PRKCH: variants seen among roughly 807,000 people sequenced by gnomAD.
PRKCH encodes the protein protein kinase C eta type.
A neutral mutation model predicts 82.5 loss-of-function variants in PRKCH; 28 were observed. That is an observed-to-expected ratio of 0.34 (90% CI 0.25 to 0.47). The LOEUF is 0.47. Among genes scored for constraint, PRKCH ranks in the 20% least tolerant of loss-of-function variants. PRKCH has a pLI of 1.00. For missense variants in PRKCH, 705 were observed against 881.8 expected, an observed-to-expected ratio of 0.80 and a Z score of 2.54; for synonymous variants, 322 against 327.4, an observed-to-expected ratio of 0.98 and a Z score of 0.18.
At chr14:61,517,137 C>A (rs542469505) in intron 10 of PRKCH, among the ~76,000 whole-genome samples, 5 of 152,276 alleles carry the variant, frequency 3.3e-5, no homozygotes, top group African/African-American at 1.2e-4. Flanking sequence ...ATGCTGGCAA[C>A]AGTTTGCATA....
At chr14:61,338,896 T>C (rs11849162) in intron 1 of PRKCH, among the ~76,000 whole-genome samples, 3,753 of 152,164 alleles carry the variant, frequency 0.025, 150 homozygotes, top group African/African-American at 0.085. Flanking sequence ...ATAGGAAAAA[T>C]CATGATTCTG....
chr14:61,413,312 G>A (rs1309265353), intron 2 of PRKCH, among the ~76,000 whole-genome samples: 1 of 150,720 alleles, frequency 6.6e-6, no homozygotes, highest in Non-Finnish European at 1.5e-5. Flanking sequence ...GCAAACCCTT[G>A]GCCTCTATTC....
chr14:61,317,303 G>A (rs904624563), upstream of PRKCH, among the ~76,000 whole-genome samples: 2 of 152,006 alleles, frequency 1.3e-5, no homozygotes, highest in African/African-American at 2.4e-5. Context: ...TCTTGAAAGG[G>A]TGCCTACATT....
intron 2 of PRKCH, among the ~76,000 whole-genome samples, chr14:61,436,020 AGAT>A (rs1230267834): frequency 1.3e-5 from 2 of 152,180 alleles, no homozygotes; most frequent in Non-Finnish European, 2.9e-5. Flanking sequence ...GAAAAAGGAA[AGAT>A]GATGATGAGT....
intron 1 of PRKCH, among the ~76,000 whole-genome samples, chr14:61,249,227 G>C (rs993471726): frequency 3.3e-5 from 5 of 152,196 alleles, no homozygotes; most frequent in Admixed American, 3.3e-4. Context: ...TCCCCACTTA[G>C]GTCTCCAGTT....
At chr14:61,292,978 T>G (rs1403764725) in intron 1 of PRKCH, among the ~76,000 whole-genome samples, 1 of 151,266 alleles carries the variant, frequency 6.6e-6, no homozygotes, top group East Asian at 1.9e-4. Context: ...CAAAACCAGG[T>G]GATTATTCAG....
intron 1 of PRKCH, chr14:61,303,286 C>T (rs1413781845): frequency 6.6e-6 from 1 of 152,210 alleles, no homozygotes; most frequent in Non-Finnish European, 1.5e-5. Context: ...CCTTGGCCTC[C>T]CAAAGTTCTG....
chr14:61,454,955 A>C (rs1884691222), intron 7 of PRKCH, among the ~76,000 whole-genome samples: 1 of 152,252 alleles, frequency 6.6e-6, no homozygotes, highest in East Asian at 1.9e-4. Context: ...GATAATCCTG[A>C]AAATGTCAGC....
At chr14:61,348,068 T>G (rs192698651) in intron 1 of PRKCH, 10 of 152,262 alleles carry the variant, frequency 6.6e-5, no homozygotes, top group African/African-American at 2.4e-4. Flanking sequence ...TGGTAAGGGT[T>G]TAGATCTATT....
At chr14:61,406,299 C>CAAGGATCAGGTTACAGTTTTTGCGTT (rs1555384083) in intron 2 of PRKCH, among the ~76,000 whole-genome samples, 6 of 138,180 alleles carry the variant, frequency 4.3e-5, no homozygotes, top group Non-Finnish European at 7.7e-5. Flanking sequence ...AATGCTGCGA[C>CAAGGATCAGGTTACAGTTTTTGCGTT]AAGGGTCAGG....
chr14:61,448,838 A>C (rs903555941), intron 4 of PRKCH, among the ~76,000 whole-genome samples: 1 of 152,174 alleles, frequency 6.6e-6, no homozygotes, highest in Non-Finnish European at 1.5e-5. Context: ...AACTTTGTTG[A>C]TCGGCAGTGA....
intron 1 of PRKCH, among the ~76,000 whole-genome samples, chr14:61,189,620 T>C (rs1388644750): frequency 6.6e-6 from 1 of 151,910 alleles, no homozygotes; most frequent in Non-Finnish European, 1.5e-5. Context: ...CCTTCCTTTC[T>C]TCCTCCCTTT....
chr14:61,430,399 G>A (rs1443116802), intron 2 of PRKCH, among the ~76,000 whole-genome samples: 1 of 152,206 alleles, frequency 6.6e-6, no homozygotes, highest in Admixed American at 6.5e-5. Context: ...TGGTCTGGCA[G>A]TTTCTTACAG....
At chr14:61,334,461 G>T (rs1191021967) in intron 1 of PRKCH, among the ~76,000 whole-genome samples, 1 of 152,158 alleles carries the variant, frequency 6.6e-6, no homozygotes, top group African/African-American at 2.4e-5. Context: ...AAAGCACTGT[G>T]CAGCAGACTT....
At chr14:61,217,287 G>C (rs1370495668) in intron 1 of PRKCH, among the ~76,000 whole-genome samples, 1 of 152,080 alleles carries the variant, frequency 6.6e-6, no homozygotes, top group Non-Finnish European at 1.5e-5. Flanking sequence ...CAGCTACAGG[G>C]GAGGCTAAGG....
intron 2 of PRKCH, among the ~76,000 whole-genome samples, chr14:61,439,814 G>C (rs934053616): frequency 6.6e-6 from 1 of 152,148 alleles, no homozygotes; most frequent in African/African-American, 2.4e-5. Flanking sequence ...AGTGAAGGTG[G>C]CAAGAAATGA....
At chr14:61,375,355 T>C (rs1406676019) in intron 1 of PRKCH, among the ~76,000 whole-genome samples, 3 of 152,062 alleles carry the variant, frequency 2.0e-5, no homozygotes, top group African/African-American at 7.3e-5. Context: ...CCCTCCAAAC[T>C]GTTCCAACCT....
chr14:61,334,762 A>G (rs1004969135), intron 1 of PRKCH, among the ~76,000 whole-genome samples: 1 of 152,116 alleles, frequency 6.6e-6, no homozygotes, highest in East Asian at 1.9e-4. Context: ...AATGTTTGCT[A>G]CCTTATAGGC....
chr14:61,490,512 G>A (rs757950939), intron 10 of PRKCH, among the ~76,000 whole-genome samples: 9 of 152,124 alleles, frequency 5.9e-5, no homozygotes, highest in Non-Finnish European at 1.3e-4. Context: ...CAGGTGCCTC[G>A]CTGACTCCAG....
Sources: gnomAD v4.1 joint callset for allele counts (sites outside exome capture counted in the v4.1 genomes callset) on GRCh38, gnomAD v4.1.1 for gene constraint, MANE v1.5 for transcripts, NCBI Gene and HGNC (gene_info 2026-07-23, HGNC 2026-07-21) for gene names.